Variants in ABHD18 observed in about 807,000 individuals in gnomAD.
ABHD18 encodes the protein cardiolipin-specific deacylase, mitochondrial.
In ABHD18, 55 loss-of-function variants were observed where a neutral mutation model predicts 65.9. That is an observed-to-expected ratio of 0.84 (90% CI 0.67 to 1.05). The LOEUF is 1.05. Among genes scored for constraint, ABHD18 ranks in the 50% least tolerant of loss-of-function variants. The pLI, the probability that ABHD18 is intolerant of heterozygous loss-of-function variation, is 0.00. For synonymous variants in ABHD18, 181 were observed against 180.2 expected, an observed-to-expected ratio of 1.00 and a Z score of -0.04; for missense variants, 533 against 558.5, an observed-to-expected ratio of 0.95 and a Z score of 0.46.
At chr4:128,002,101 C>G (rs867749145) in intron 4 of ABHD18, among the ~76,000 whole-genome samples, 8 of 151,764 alleles carry the variant, frequency 5.3e-5, no homozygotes, top group African/African-American at 1.9e-4. Flanking sequence ...ATGGTAAAAC[C>G]CGATTTCTAC....
chr4:127,966,899 A>C (rs947753277), intron 1 of ABHD18, among the ~76,000 whole-genome samples: 4 of 150,970 alleles, frequency 2.6e-5, no homozygotes, highest in Non-Finnish European at 4.4e-5. Flanking sequence ...AAAAAAAAAA[A>C]ACCAAAAACC....
chr4:127,970,782 A>C (rs2149036763), intron 1 of ABHD18, among the ~76,000 whole-genome samples: 1 of 149,874 alleles, frequency 6.7e-6, no homozygotes, highest in East Asian at 2.0e-4. Flanking sequence ...ATCTCTACAA[A>C]AAATAAATTA....
chr4:128,010,954 A>T (rs2149136941), intron 6 of ABHD18, among the ~76,000 whole-genome samples: 1 of 151,514 alleles, frequency 6.6e-6, no homozygotes, highest in African/African-American at 2.4e-5. Flanking sequence ...CCAAAATGTT[A>T]ATATGGTTGT....
chr4:128,035,266 G>GT (rs1758759026), intron 12 of ABHD18, among the ~76,000 whole-genome samples: 1 of 152,138 alleles, frequency 6.6e-6, no homozygotes, highest in Non-Finnish European at 1.5e-5. Context: ...AAAAGATAAT[G>GT]CTTTTAGATC....
At chr4:127,988,621 T>A (rs914337493) in intron 3 of ABHD18, among the ~76,000 whole-genome samples, 1 of 152,134 alleles carries the variant, frequency 6.6e-6, no homozygotes, top group Non-Finnish European at 1.5e-5. Flanking sequence ...GGCCAACATT[T>A]TACATTTTTC....
At chr4:127,984,757 G>T (rs1749672673) in intron 3 of ABHD18, among the ~76,000 whole-genome samples, 1 of 152,154 alleles carries the variant, frequency 6.6e-6, no homozygotes, top group South Asian at 2.1e-4. Flanking sequence ...CTACTCGGGA[G>T]GCTGAGGCAG....
intron 10 of ABHD18, among the ~76,000 whole-genome samples, chr4:128,027,243 C>T (rs968903870): frequency 2.0e-5 from 3 of 152,074 alleles, no homozygotes; most frequent in Admixed American, 6.6e-5. Flanking sequence ...TCTAGATTTA[C>T]GTAAATACAT....
intron 12 of ABHD18, chr4:128,030,915 C>T (rs1413799870): frequency 1.7e-6 from 2 of 1,176,818 alleles, no homozygotes; most frequent in African/African-American, 3.2e-5. Context: ...GTGGCTTTCC[C>T]CTCTTCAAAT....
intron 1 of ABHD18, among the ~76,000 whole-genome samples, chr4:127,969,935 G>A (rs1016921923): frequency 6.6e-6 from 1 of 151,956 alleles, no homozygotes; most frequent in South Asian, 2.1e-4. Flanking sequence ...TTTTTGTAGA[G>A]ACAGGGTCTC....
At chr4:128,022,155 C>A (rs535653796) in intron 10 of ABHD18, among the ~76,000 whole-genome samples, 18 of 152,232 alleles carry the variant, frequency 1.2e-4, no homozygotes, top group African/African-American at 4.1e-4. Flanking sequence ...GTGCAGCAAG[C>A]CAACATGGCA....
chr4:128,009,055 A>G (rs966342717), intron 5 of ABHD18, 52 bp from the exon 6 acceptor site: 43 of 1,584,360 alleles, frequency 2.7e-5, no homozygotes, highest in Non-Finnish European at 3.4e-5. Context: ...TATTCTCCTT[A>G]ACAGAAGTGG....
chr4:128,001,648 A>G (rs973806306), intron 4 of ABHD18: 1 of 1,488,252 alleles, frequency 6.7e-7, no homozygotes, highest in Non-Finnish European at 9.0e-7. Flanking sequence ...CTACTTATGC[A>G]ATTCTTGGTT....
At chr4:127,968,690 C>T (rs1329511928) in intron 1 of ABHD18, among the ~76,000 whole-genome samples, 1 of 152,142 alleles carries the variant, frequency 6.6e-6, no homozygotes, top group African/African-American at 2.4e-5. Flanking sequence ...TTGCTTTTCC[C>T]TTTCACATTG....
At chr4:128,030,460 T>G (rs1309847550) in intron 11 of ABHD18, 50 bp from the exon 12 acceptor site, 1 of 1,302,660 alleles carries the variant, frequency 7.7e-7, no homozygotes, top group Non-Finnish European at 1.0e-6. Context: ...GTGTGGGTTT[T>G]TTTATTTTCT....
chr4:127,980,544 C>G (rs546607547), intron 1 of ABHD18, among the ~76,000 whole-genome samples: 1 of 150,614 alleles, frequency 6.6e-6, no homozygotes, highest in African/African-American at 2.4e-5. Flanking sequence ...TGGAAGGGGG[C>G]CAGGTACAGT....
chr4:128,030,232 C>T (rs911253935), intron 11 of ABHD18, among the ~76,000 whole-genome samples: 3 of 152,216 alleles, frequency 2.0e-5, no homozygotes, highest in East Asian at 1.9e-4. Flanking sequence ...ATTGCATGCC[C>T]GTATCAAAAT....
At chr4:128,033,378 C>T (rs922320705) in intron 12 of ABHD18, among the ~76,000 whole-genome samples, 3 of 152,146 alleles carry the variant, frequency 2.0e-5, no homozygotes, top group African/African-American at 7.2e-5. Context: ...ATATCCACCT[C>T]TAATTTTTTT....
rs567833515 is a variant in ABHD18 at position 127,996,786 on chromosome 4, C to T, written c.278+6965C>T. ...AATGTATTCCTTCCCCAGGGTTATT[C>T]CTTCCTGGGAAAAGAATTCAGCGAT... On this transcript the variant is annotated intron_variant, in intron 4 of 12. Transcript: ENST00000645843. Among the ~76,000 whole-genome samples, 5 of 152,162 alleles carry T rather than the reference C, an allele frequency of 3.3e-5. No homozygotes were observed. The East Asian group carries it at 7.7e-4, about 23-fold the overall frequency.
At chr4:128,026,789 C>CTTTTTTTTTT (rs1389977770) in intron 10 of ABHD18, among the ~76,000 whole-genome samples, 1 of 142,296 alleles carries the variant, frequency 7.0e-6, no homozygotes, top group Admixed American at 7.1e-5. Context: ...TTTTCTTTTT[C>CTTTTTTTTTT]TTTTTTTTTT....
Sources: allele counts gnomAD v4.1 joint callset (sites outside exome capture counted in the v4.1 genomes callset), GRCh38; gene constraint gnomAD v4.1.1; transcripts MANE v1.5; gene names NCBI Gene and HGNC (gene_info 2026-07-23, HGNC 2026-07-21).